The following DZIP3 variants were observed in gnomAD, a reference collection of about 807,000 sequenced individuals.
DZIP3 encodes the protein DAZ interacting zinc finger protein 3, also known as E3 ubiquitin-protein ligase DZIP3.
In DZIP3, 118 loss-of-function variants were observed where a neutral mutation model predicts 162.0. The ratio of observed to expected loss-of-function variants is 0.73; its 90% CI spans 0.63 to 0.85. The LOEUF (loss-of-function observed/expected upper bound fraction) is 0.85. Among genes scored for constraint, DZIP3 ranks in the 40% least tolerant of loss-of-function variants. The pLI is 0.00. For missense variants in DZIP3, 1,331 were observed against 1,407.0 expected (o/e 0.95, Z 0.86); for synonymous variants, 438 against 458.6 (o/e 0.96, Z 0.57).
At chr3:108,631,994 A>G (rs994508592) in intron 8 of DZIP3, among the ~76,000 whole-genome samples, 2 of 151,706 alleles carry the variant, frequency 1.3e-5, no homozygotes, top group Non-Finnish European at 2.9e-5. Flanking sequence ...ATTTTTTTCT[A>G]CTGTCTGGGA....
rs1419915691 is a variant in DZIP3 at position 108,675,892 on chromosome 3, T to C, written c.2781+19T>C. On this transcript the variant is annotated intron_variant, in intron 25 of 32. Transcript: ENST00000361582. ...CCTCAGGGTAAGTCCTGAAGTATAT[T>C]TGGAGAAAATTGGCTTAATGTTATA... is the stretch of plus-strand genomic sequence containing the variant. 1 of 1,597,870 alleles carries C rather than the reference T, an allele frequency of 6.3e-7. No homozygotes were observed. The highest frequency in any genetic ancestry group is 8.5e-7 in the Non-Finnish European group (1 of 1,170,928).
chr3:108,654,885 G>A (rs2966557), intron 19 of DZIP3, among the ~76,000 whole-genome samples: 50,220 of 151,902 alleles, frequency 0.33, 8,632 homozygotes, highest in Middle Eastern at 0.39. Context: ...ACCTACTAAT[G>A]AGAATTCAGT....
chr3:108,674,943 C>T (rs1944050948), intron 24 of DZIP3, among the ~76,000 whole-genome samples: 1 of 151,804 alleles, frequency 6.6e-6, no homozygotes, highest in Admixed American at 6.6e-5. Flanking sequence ...CTGATGTGCA[C>T]TCAAGTCAGG....
rs963746236 is a variant in DZIP3 at position 108,688,013 on chromosome 3, G to A, written c.3187G>A (p.Ala1063Thr). Reference sequence around the variant, plus strand: ...AGATTTCTTACGGAAATTGAAGGATGCTTATGGAAAATCCTTGTCTGAACT... The same window carrying A: ...AGATTTCTTACGGAAATTGAAGGATACTTATGGAAAATCCTTGTCTGAACT... ...LTDFLRKLKD[A>T]YGKSLSELTF... The change falls in exon 29 of 33, where the codon GCT becomes ACT. Residue 1063 changes from alanine (A) to threonine (T), a missense_variant. Ala to Thr is a moderately conservative substitution (Grantham distance 58). Transcript: ENST00000361582. The A allele has an allele frequency of 1.2e-5, 19 of 1,613,448 alleles. No individual in the cohort carries two copies. In the Admixed American group the frequency reaches 2.3e-4, roughly 20 times the overall value.
intron 32 of DZIP3, among the ~76,000 whole-genome samples, chr3:108,692,667 A>ATT: frequency 2.0e-5 from 3 of 152,112 alleles, no homozygotes. Flanking sequence ...CACCTGGAGG[A>ATT]CTTTTAAGCT....
intron 22 of DZIP3, among the ~76,000 whole-genome samples, chr3:108,670,331 T>A (rs1943880942): frequency 6.6e-6 from 1 of 151,948 alleles, no homozygotes; most frequent in Non-Finnish European, 1.5e-5. Context: ...AACTGCTAAT[T>A]TATTTTCTGT....
intron 2 of DZIP3, among the ~76,000 whole-genome samples, chr3:108,606,166 T>C (rs77405184): frequency 0.012 from 1,797 of 152,336 alleles, 40 homozygotes; most frequent in African/African-American, 0.041. Context: ...GTGCTGTTAT[T>C]ATCCCTATTT....
chr3:108,673,560 T>C (rs957136712), intron 23 of DZIP3, among the ~76,000 whole-genome samples: 1 of 151,896 alleles, frequency 6.6e-6, no homozygotes. Context: ...TTACTGCAAG[T>C]AGTGATATGG....
At chr3:108,644,899 C>T in intron 14 of DZIP3, 118 bp downstream of exon 14, 1 of 899,816 alleles carries the variant, frequency 1.1e-6, no homozygotes. Flanking sequence ...GGAAAATGGA[C>T]TCATCAGGAA....
At chr3:108,630,213 G>A (rs1180055051) in intron 8 of DZIP3, among the ~76,000 whole-genome samples, 1 of 151,858 alleles carries the variant, frequency 6.6e-6, no homozygotes, top group Non-Finnish European at 1.5e-5. Flanking sequence ...TTTTTAATTT[G>A]TTTAATATGA....
At chr3:108,620,481 G>C (rs531009949) in intron 5 of DZIP3, among the ~76,000 whole-genome samples, 1 of 152,310 alleles carries the variant, frequency 6.6e-6, no homozygotes, top group South Asian at 2.1e-4. Context: ...GGCCAGCTAG[G>C]TTAGCTTTTT....
intron 5 of DZIP3, 127 bp from the exon 6 acceptor site, chr3:108,624,317 G>C: frequency 1.7e-6 from 1 of 591,424 alleles, no homozygotes; most frequent in Non-Finnish European, 3.0e-6. Flanking sequence ...TTAGATGACT[G>C]ATAATGTTTT....
intron 1 of DZIP3, among the ~76,000 whole-genome samples, chr3:108,591,154 A>G (rs1364071561): frequency 2.6e-5 from 4 of 152,218 alleles, no homozygotes; most frequent in African/African-American, 4.8e-5. Context: ...AGGTTTTTAG[A>G]TAGAGGAAAT....
At chr3:108,593,421 A>G (rs1210902662) in intron 1 of DZIP3, among the ~76,000 whole-genome samples, 1 of 151,326 alleles carries the variant, frequency 6.6e-6, no homozygotes, top group African/African-American at 2.5e-5. Flanking sequence ...TTTATTCAGG[A>G]TTTTATTATA....
chr3:108,604,510 G>C (rs1010795408), intron 1 of DZIP3, among the ~76,000 whole-genome samples: 1 of 152,066 alleles, frequency 6.6e-6, no homozygotes, highest in African/African-American at 2.4e-5. Flanking sequence ...GGAATAAATA[G>C]CTATGTAAAT....
At chr3:108,646,827 G>A (rs1187229482) in intron 15 of DZIP3, among the ~76,000 whole-genome samples, 178 bp downstream of exon 15, 1 of 152,154 alleles carries the variant, frequency 6.6e-6, no homozygotes, top group Non-Finnish European at 1.5e-5. Flanking sequence ...TGGATCACAA[G>A]GTCAGGAGAT....
At chr3:108,652,087 T>TA (rs1942893555) in intron 18 of DZIP3, among the ~76,000 whole-genome samples, 1 of 151,772 alleles carries the variant, frequency 6.6e-6, no homozygotes, top group Non-Finnish European at 1.5e-5. Context: ...ATGCCATAAA[T>TA]ATAGCGTAAT....
chr3:108,636,664 G>T lies in DZIP3; in HGVS notation c.967G>T (p.Val323Leu). 3 of 1,585,866 alleles carry T rather than the reference G, an allele frequency of 1.9e-6. No individual in the cohort carries two copies. The highest frequency in any genetic ancestry group is 1.4e-5 in the African/African-American group (1 of 72,854). The stretch of plus-strand genomic sequence containing the variant: ...GAAGGAAGGATGTACAGGTGACATG[G>T]TAAGGATGCTGCAATGTGATGTACC... ...CLKEGCTGDM[V>L]RMLQCDVPGI... Residue 323 changes from valine to leucine, a missense_variant, in exon 11 of 33, where the codon GTA becomes TTA. By Grantham distance (32) the Val-to-Leu change is conservative. Coordinates refer to ENST00000361582, the MANE Select transcript of DZIP3 (RefSeq NM_014648.4).
At chr3:108,691,000 G>GA in intron 32 of DZIP3, 97 bp downstream of exon 32, 1 of 944,432 alleles carries the variant, frequency 1.1e-6, no homozygotes, top group Non-Finnish European at 1.6e-6. Context: ...TAGTGCTAAA[G>GA]AAGCCAGCTA....
Sources: gnomAD v4.1 joint callset for allele counts (sites outside exome capture counted in the v4.1 genomes callset) on GRCh38, gnomAD v4.1.1 for gene constraint, MANE v1.5 for transcripts, NCBI Gene and HGNC (gene_info 2026-07-23, HGNC 2026-07-21) for gene names.